LSM12: variants seen among roughly 807,000 people sequenced by gnomAD.
LSM12 encodes protein LSM12.
For missense variants in LSM12, 108 were observed against 238.9 expected (o/e 0.45, Z 3.61); for synonymous variants, 74 against 87.3 (o/e 0.85, Z 0.85).
At chr17:44,051,695 C>T (rs1332975027) in intron 2 of LSM12, among the ~76,000 whole-genome samples, 1 of 152,004 alleles carries the variant, frequency 6.6e-6, no homozygotes, top group African/African-American at 2.4e-5. Context: ...TGAATCAGGC[C>T]AGGATTAGTG....
At chr17:44,062,162 C>T (rs1343214127) in intron 2 of LSM12, among the ~76,000 whole-genome samples, 1 of 137,578 alleles carries the variant, frequency 7.3e-6, no homozygotes, top group African/African-American at 2.7e-5. Flanking sequence ...GCGGAGCTTG[C>T]AGTGAGCTGA....
rs145390048 is a variant in LSM12, at chr17:44,036,280, G to A, written c.516C>T (p.Asp172=). 4.7e-5 allele frequency: 76 copies of A among 1,613,896 alleles called. No individual in the cohort carries two copies. The highest frequency in any genetic ancestry group is 1.6e-4 in the Middle Eastern group (1 of 6,062). The change falls in exon 5 of 5, where the codon GAC becomes GAT. Residue 172 remains aspartate (D), a synonymous_variant. Transcript: ENST00000293406. ...GTTGCAGTATCTTTTGGCTTTCCAC[G>A]TCTCTAAAATGTTTTTCAACCTGAA... ...VRKIVEKHFR[D]VESQKILQRS...
chr17:44,051,183 G>A (rs1597890839), intron 2 of LSM12, among the ~76,000 whole-genome samples: 1 of 151,898 alleles, frequency 6.6e-6, no homozygotes, highest in East Asian at 1.9e-4. Context: ...GAGGAGGGCA[G>A]ATCACAAGAT....
chr17:44,053,066 T>C (rs933694933), intron 2 of LSM12, among the ~76,000 whole-genome samples: 4 of 152,142 alleles, frequency 2.6e-5, no homozygotes. Flanking sequence ...CCAAATCAGC[T>C]TGATCCCTTT....
chr17:44,055,691 AAT>A (rs893458630), intron 2 of LSM12, among the ~76,000 whole-genome samples: 8 of 144,498 alleles, frequency 5.5e-5, no homozygotes, highest in South Asian at 2.1e-4. Flanking sequence ...ATATATATAA[AAT>A]ATATATATAT....
At chr17:44,057,610 A>G (rs1275978533) in intron 2 of LSM12, among the ~76,000 whole-genome samples, 1 of 151,356 alleles carries the variant, frequency 6.6e-6, no homozygotes, top group Non-Finnish European at 1.5e-5. Flanking sequence ...AAATACAAAA[A>G]TTAGCCAGCT....
At chr17:44,056,286 A>C (rs1391868804) in intron 2 of LSM12, among the ~76,000 whole-genome samples, 1 of 136,054 alleles carries the variant, frequency 7.4e-6, no homozygotes, top group Non-Finnish European at 1.6e-5. Flanking sequence ...CAAGAGTAAA[A>C]CTCTGTCTCA....
intron 4 of LSM12, 120 bp downstream of exon 4, chr17:44,037,292 C>G: frequency 8.0e-7 from 1 of 1,247,062 alleles, no homozygotes; most frequent in South Asian, 1.7e-5. Context: ...GGAGGCCAGA[C>G]AGGGCCTCTG....
intron 2 of LSM12, among the ~76,000 whole-genome samples, chr17:44,040,784 C>T (rs563782183): frequency 1.1e-4 from 16 of 149,688 alleles, no homozygotes; most frequent in African/African-American, 3.4e-4. Context: ...ACCAGCCTGG[C>T]CAAGATGGTT....
chr17:44,050,404 CCAGA>C (rs1412783530), intron 2 of LSM12, among the ~76,000 whole-genome samples: 3 of 152,096 alleles, frequency 2.0e-5, no homozygotes, highest in Admixed American at 6.5e-5. Context: ...GCCACCGCAC[CCAGA>C]CAAAGCCTTT....
At chr17:44,050,732 G>A (rs1363878891) in intron 2 of LSM12, among the ~76,000 whole-genome samples, 1 of 152,010 alleles carries the variant, frequency 6.6e-6, no homozygotes, top group Non-Finnish European at 1.5e-5. Flanking sequence ...TGTTGGCCAA[G>A]CTGGTCTCGA....
At chr17:44,051,966 G>T (rs1302580390) in intron 2 of LSM12, among the ~76,000 whole-genome samples, 2 of 152,170 alleles carry the variant, frequency 1.3e-5, no homozygotes, top group East Asian at 1.9e-4. Flanking sequence ...ACATCCGCTG[G>T]GTGTGGTAGC....
chr17:44,039,451 G>A lies in LSM12; in HGVS notation c.368+696C>T, dbSNP rs370779835. Among the ~76,000 whole-genome samples, 244 of 131,046 alleles carry A rather than the reference G, an allele frequency of 1.9e-3. 2 individuals are homozygous for A. Among genetic ancestry groups the A allele is most frequent in the African/African-American group, 6.9e-3 (236 of 34,290 alleles). The allele number at this position is 131,046 out of a possible 152,430, so 86.0% of individuals were successfully genotyped here. A position where few individuals can be genotyped will look rare whatever the true frequency, so the allele number is the denominator to read the frequency against. On this transcript the variant is annotated intron_variant, in intron 3 of 4. Transcript: ENST00000293406. ...CTGCGGACTGCAGTGGCGCAATCTCGGCTCACTGCAAGCTCCGCCTCCCGG... is the reference window on the plus strand; with the variant it reads ...CTGCGGACTGCAGTGGCGCAATCTCAGCTCACTGCAAGCTCCGCCTCCCGG...
intron 1 of LSM12, among the ~76,000 whole-genome samples, chr17:44,066,150 C>T (rs2049871529): frequency 6.6e-6 from 1 of 151,934 alleles, no homozygotes; most frequent in African/African-American, 2.4e-5. Flanking sequence ...CCACCACCCC[C>T]TCTCCTAATT....
chr17:44,044,961 C>T (rs1004220469), intron 2 of LSM12, among the ~76,000 whole-genome samples: 6 of 152,174 alleles, frequency 3.9e-5, no homozygotes, highest in Admixed American at 3.9e-4. Flanking sequence ...ATAAAAGCTG[C>T]CCTCAGTAGA....
chr17:44,044,807 C>T (rs1010510498), intron 2 of LSM12, among the ~76,000 whole-genome samples: 25 of 152,118 alleles, frequency 1.6e-4, no homozygotes, highest in Admixed American at 1.3e-3. Flanking sequence ...GTAAAGCAAA[C>T]GATTATCACT....
chr17:44,058,922 G>A (rs1399402458), intron 2 of LSM12, among the ~76,000 whole-genome samples: 3 of 151,918 alleles, frequency 2.0e-5, no homozygotes, highest in African/African-American at 4.8e-5. Context: ...TCACTTGAGC[G>A]AACCCTGGAG....
At chr17:44,045,761 C>A in intron 2 of LSM12, among the ~76,000 whole-genome samples, 1 of 151,594 alleles carries the variant, frequency 6.6e-6, no homozygotes, top group East Asian at 2.0e-4. Flanking sequence ...TTTGTAGAGA[C>A]AGGGTTTCAC....
intron 3 of LSM12, among the ~76,000 whole-genome samples, chr17:44,039,276 AACTCCCG>A: frequency 6.6e-6 from 1 of 151,416 alleles, no homozygotes; most frequent in Non-Finnish European, 1.5e-5. Context: ...GCTGGTCTGG[AACTCCCG>A]ACCTCAGGTG....
Sources: allele counts gnomAD v4.1 joint callset (sites outside exome capture counted in the v4.1 genomes callset), GRCh38; gene constraint gnomAD v4.1.1; transcripts MANE v1.5; gene names NCBI Gene and HGNC (gene_info 2026-07-23, HGNC 2026-07-21).